Variants in LUZP2 observed in about 807,000 individuals in gnomAD.
LUZP2 encodes the protein leucine zipper protein 2.
LUZP2 carries 52 observed loss-of-function variants against 51.6 expected under a neutral mutation model. The observed-to-expected ratio is 1.01, with a 90% CI of 0.81 to 1.27. LUZP2 has a LOEUF of 1.27. LUZP2 is among the 50% of genes most tolerant of loss of function. The pLI, the probability that LUZP2 is intolerant of heterozygous loss-of-function variation, is 0.00. For synonymous variants in LUZP2, 154 were observed against 137.3 expected (o/e 1.12, Z -0.85); for missense variants, 436 against 395.4 (o/e 1.10, Z -0.87).
At chr11:24,752,216 C>T (rs906640025) in intron 4 of LUZP2, among the ~76,000 whole-genome samples, 5 of 151,978 alleles carry the variant, frequency 3.3e-5, no homozygotes, top group African/African-American at 9.7e-5. Flanking sequence ...ATAAAAGATA[C>T]AATTACAAAA....
chr11:24,743,592 G>A (rs1859267828), intron 4 of LUZP2, among the ~76,000 whole-genome samples: 1 of 152,048 alleles, frequency 6.6e-6, no homozygotes, highest in Non-Finnish European at 1.5e-5. Context: ...CTTTTCAGAG[G>A]AGTCTTTAGG....
At chr11:25,054,949 G>GTTT (rs11448325) in intron 10 of LUZP2, among the ~76,000 whole-genome samples, 6 of 145,076 alleles carry the variant, frequency 4.1e-5, no homozygotes, top group Non-Finnish European at 7.5e-5. Flanking sequence ...TAATAATACT[G>GTTT]TTTTTTTTTC....
chr11:24,735,768 C>G (rs912117372), intron 3 of LUZP2, among the ~76,000 whole-genome samples: 1 of 151,804 alleles, frequency 6.6e-6, no homozygotes, highest in Non-Finnish European at 1.5e-5. Context: ...AGGTGTCACT[C>G]GAGCCAGGAA....
chr11:24,963,571 T>A (rs111792870), intron 7 of LUZP2, among the ~76,000 whole-genome samples: 370 of 151,172 alleles, frequency 2.4e-3, no homozygotes, highest in Non-Finnish European at 3.5e-3. Flanking sequence ...CTCCGAGCCA[T>A]GTGCGGGATA....
At chr11:24,749,068 A>G (rs1859483169) in intron 4 of LUZP2, among the ~76,000 whole-genome samples, 1 of 152,222 alleles carries the variant, frequency 6.6e-6, no homozygotes, top group African/African-American at 2.4e-5. Context: ...CTTGACGTTA[A>G]CAAATGTACA....
At chr11:24,985,917 T>C (rs905839640) in intron 9 of LUZP2, among the ~76,000 whole-genome samples, 2 of 151,272 alleles carry the variant, frequency 1.3e-5, no homozygotes, top group Non-Finnish European at 3.0e-5. Flanking sequence ...CAGTATGGAG[T>C]GAAAAGAGAT....
intron 4 of LUZP2, among the ~76,000 whole-genome samples, chr11:24,751,195 C>A (rs920436429): frequency 2.6e-5 from 4 of 151,938 alleles, no homozygotes; most frequent in Non-Finnish European, 5.9e-5. Context: ...AAAATCATAG[C>A]AGTTAAAGGA....
chr11:24,683,451 C>A (rs1008683235), intron 1 of LUZP2, among the ~76,000 whole-genome samples: 1 of 152,128 alleles, frequency 6.6e-6, no homozygotes, highest in Admixed American at 6.6e-5. Flanking sequence ...CATCTAATTT[C>A]ACTTTATATT....
At chr11:24,897,641 T>C (rs773582936) in intron 5 of LUZP2, among the ~76,000 whole-genome samples, 3 of 152,204 alleles carry the variant, frequency 2.0e-5, no homozygotes, top group Non-Finnish European at 4.4e-5. Flanking sequence ...GAACAAACTC[T>C]GGACACACAT....
chr11:24,854,221 G>GAGCA (rs1278090919), intron 5 of LUZP2, among the ~76,000 whole-genome samples: 3 of 152,222 alleles, frequency 2.0e-5, no homozygotes, highest in Non-Finnish European at 2.9e-5. Flanking sequence ...TGCGCCCACA[G>GAGCA]CTGTCCCTTC....
chr11:24,655,186 T>C (rs1172416241), intron 1 of LUZP2, among the ~76,000 whole-genome samples: 3 of 152,188 alleles, frequency 2.0e-5, no homozygotes, highest in East Asian at 3.9e-4. Flanking sequence ...ATTAAGACTT[T>C]GGGCTTATTT....
intron 1 of LUZP2, among the ~76,000 whole-genome samples, chr11:24,613,094 C>T (rs1854173538): frequency 6.6e-6 from 1 of 152,104 alleles, no homozygotes; most frequent in Admixed American, 6.5e-5. Flanking sequence ...ATTTCTCCCT[C>T]TCTAACTTCC....
chr11:24,941,902 A>T (rs982664339), intron 7 of LUZP2, among the ~76,000 whole-genome samples: 1 of 152,026 alleles, frequency 6.6e-6, no homozygotes, highest in Admixed American at 6.6e-5. Context: ...TAAAAAAAAA[A>T]CTGACCATGG....
intron 1 of LUZP2, among the ~76,000 whole-genome samples, chr11:24,609,507 C>T (rs1854044631): frequency 6.6e-6 from 1 of 151,942 alleles, no homozygotes; most frequent in Non-Finnish European, 1.5e-5. Context: ...AGATGGATCA[C>T]CTGAGGTCAG....
At chr11:24,931,722 T>C (rs1238727765) in intron 7 of LUZP2, among the ~76,000 whole-genome samples, 2 of 152,252 alleles carry the variant, frequency 1.3e-5, no homozygotes, top group African/African-American at 2.4e-5. Context: ...ACCTTCTGAA[T>C]TCTTTTTCTG....
At chr11:24,906,255 A>G (rs1411578616) in intron 6 of LUZP2, among the ~76,000 whole-genome samples, 1 of 151,950 alleles carries the variant, frequency 6.6e-6, no homozygotes, top group Non-Finnish European at 1.5e-5. Context: ...AAAAAAAATT[A>G]ACAAAGGCAG....
At chr11:25,013,201 T>C (rs1417520951) in intron 9 of LUZP2, among the ~76,000 whole-genome samples, 2 of 151,954 alleles carry the variant, frequency 1.3e-5, no homozygotes, top group African/African-American at 4.8e-5. Context: ...CGTGGACAGA[T>C]AAACAGAATG....
chr11:24,752,560 G>A (rs1859631528), intron 4 of LUZP2, among the ~76,000 whole-genome samples: 4 of 152,042 alleles, frequency 2.6e-5, no homozygotes, highest in Admixed American at 1.3e-4. Context: ...GCCGAAGAGG[G>A]GAAAATATGA....
chr11:24,972,774 G>C (rs1442272724), intron 7 of LUZP2, among the ~76,000 whole-genome samples: 1 of 152,060 alleles, frequency 6.6e-6, no homozygotes, highest in Non-Finnish European at 1.5e-5. Context: ...TGGATGTAAA[G>C]CCAACTTGAT....
Sources: allele counts gnomAD v4.1 joint callset (sites outside exome capture counted in the v4.1 genomes callset), GRCh38; gene constraint gnomAD v4.1.1; transcripts MANE v1.5; gene names NCBI Gene and HGNC (gene_info 2026-07-23, HGNC 2026-07-21).